UNC5D: variants seen among roughly 807,000 people sequenced by gnomAD.
The protein encoded by UNC5D is unc-5 netrin receptor D.
In UNC5D, 39 loss-of-function variants were observed where a neutral mutation model predicts 105.4. The observed-to-expected ratio is 0.37, with a 90% CI of 0.29 to 0.48. The LOEUF is 0.48. Ranked by LOEUF, UNC5D falls within the 20% of genes least tolerant of loss-of-function variation. UNC5D has a pLI of 0.98. For missense variants in UNC5D, 991 were observed against 1,202.4 expected, an observed-to-expected ratio of 0.82 and a Z score of 2.60; for synonymous variants, 452 against 450.4, an observed-to-expected ratio of 1.00 and a Z score of -0.04.
At chr8:35,365,357 G>A (rs951371171) in intron 1 of UNC5D, among the ~76,000 whole-genome samples, 8 of 151,856 alleles carry the variant, frequency 5.3e-5, no homozygotes, top group African/African-American at 1.9e-4. Flanking sequence ...TTCTCACAAT[G>A]GAGGGCTATG....
intron 7 of UNC5D, among the ~76,000 whole-genome samples, chr8:35,691,155 C>T (rs1826362486): frequency 6.6e-6 from 1 of 152,106 alleles, no homozygotes; most frequent in South Asian, 2.1e-4. Context: ...TAATGTTACA[C>T]TGTCACAGAT....
intron 1 of UNC5D, among the ~76,000 whole-genome samples, chr8:35,280,130 G>A (rs1367168289): frequency 6.6e-6 from 1 of 151,968 alleles, no homozygotes; most frequent in Non-Finnish European, 1.5e-5. Flanking sequence ...CAAATAGCTG[G>A]GATTACAGGT....
intron 1 of UNC5D, among the ~76,000 whole-genome samples, chr8:35,345,472 A>G (rs1811741122): frequency 6.6e-6 from 1 of 152,010 alleles, no homozygotes; most frequent in African/African-American, 2.4e-5. Flanking sequence ...CTCTGCTTCA[A>G]ATACATTTGA....
At chr8:35,773,294 T>C (rs16884429) in intron 15 of UNC5D, among the ~76,000 whole-genome samples, 4,239 of 152,308 alleles carry the variant, frequency 0.028, 193 homozygotes, top group African/African-American at 0.096. Context: ...TGGACAGCTT[T>C]AAACCAGAAG....
intron 1 of UNC5D, among the ~76,000 whole-genome samples, chr8:35,412,366 G>A (rs990302533): frequency 6.6e-6 from 1 of 151,924 alleles, no homozygotes; most frequent in Non-Finnish European, 1.5e-5. Context: ...ATTGCATTGA[G>A]CAGAAACAAA....
At chr8:35,480,202 C>G (rs1585939164) in intron 1 of UNC5D, among the ~76,000 whole-genome samples, 1 of 152,158 alleles carries the variant, frequency 6.6e-6, no homozygotes, top group African/African-American at 2.4e-5. Context: ...TTACTCTTAA[C>G]AGTATATGGT....
At chr8:35,569,528 G>A (rs1270728925) in intron 3 of UNC5D, among the ~76,000 whole-genome samples, 1 of 152,174 alleles carries the variant, frequency 6.6e-6, no homozygotes, top group African/African-American at 2.4e-5. Flanking sequence ...TGGCAATTTG[G>A]GGAGGCCCTC....
At position 35,350,434 on chromosome 8, in the gene UNC5D, G is replaced by T. The variant is rs1309030337; in HGVS notation, c.103+114547G>T. Among the ~76,000 whole-genome samples, 3 of 152,114 alleles carry T rather than the reference G, an allele frequency of 2.0e-5. No individual in the cohort carries two copies. In the South Asian group the frequency reaches 6.2e-4, roughly 32 times the overall value. On this transcript the variant is annotated intron_variant, in intron 1 of 16. Transcript: ENST00000404895. Reference sequence around the variant, plus strand: ...ATGTTGATGTCTTAAGTAAATAAAAGTGCCTAGCATGTAGTAGGCATACAA... The same window carrying T: ...ATGTTGATGTCTTAAGTAAATAAAATTGCCTAGCATGTAGTAGGCATACAA...
intron 11 of UNC5D, among the ~76,000 whole-genome samples, chr8:35,733,233 A>T (rs1033089027): frequency 6.6e-6 from 1 of 152,186 alleles, no homozygotes; most frequent in Admixed American, 6.5e-5. Flanking sequence ...TTGATAGCTC[A>T]CGACTACTTA....
At chr8:35,750,836 T>G in intron 13 of UNC5D, 27 bp downstream of exon 13, 2 of 1,611,918 alleles carry the variant, frequency 1.2e-6, no homozygotes, top group Non-Finnish European at 1.7e-6. Flanking sequence ...ATAATTTTCT[T>G]TTGGTGTCAT....
At chr8:35,364,639 T>C (rs2128920500) in intron 1 of UNC5D, among the ~76,000 whole-genome samples, 1 of 152,286 alleles carries the variant, frequency 6.6e-6, no homozygotes, top group Non-Finnish European at 1.5e-5. Flanking sequence ...AAAATGTATG[T>C]ACATACACAT....
intron 1 of UNC5D, among the ~76,000 whole-genome samples, chr8:35,470,051 T>C (rs972485449): frequency 3.9e-5 from 6 of 152,174 alleles, no homozygotes; most frequent in African/African-American, 1.4e-4. Context: ...ACTTTTTAAT[T>C]TTGATTTTGA....
intron 1 of UNC5D, among the ~76,000 whole-genome samples, chr8:35,524,640 C>CAA (rs113548648): frequency 5.7e-3 from 407 of 71,032 alleles, no homozygotes; most frequent in African/African-American, 0.015. Flanking sequence ...ATGCCCTGTG[C>CAA]AAAAAAAAAA....
At chr8:35,739,492 G>A (rs1829651801) in intron 11 of UNC5D, among the ~76,000 whole-genome samples, 1 of 152,180 alleles carries the variant, frequency 6.6e-6, no homozygotes, top group African/African-American at 2.4e-5. Context: ...CTTAATGATT[G>A]AGTGCATTTG....
At chr8:35,401,328 A>G (rs1319609013) in intron 1 of UNC5D, among the ~76,000 whole-genome samples, 2 of 152,136 alleles carry the variant, frequency 1.3e-5, no homozygotes, top group African/African-American at 4.8e-5. Flanking sequence ...TACTAAAAAT[A>G]TAAAAATTAG....
chr8:35,482,181 T>C (rs1810524370), intron 1 of UNC5D, among the ~76,000 whole-genome samples: 1 of 152,186 alleles, frequency 6.6e-6, no homozygotes. Context: ...AATACCCACA[T>C]CATATTTCCT....
intron 1 of UNC5D, among the ~76,000 whole-genome samples, chr8:35,394,715 G>A (rs1370896023): frequency 1.3e-5 from 2 of 152,054 alleles, no homozygotes; most frequent in African/African-American, 4.8e-5. Context: ...GGGAGGAACC[G>A]AATTCCAGCT....
At chr8:35,323,254 C>T (rs1809891205) in intron 1 of UNC5D, among the ~76,000 whole-genome samples, 1 of 143,646 alleles carries the variant, frequency 7.0e-6, no homozygotes. Flanking sequence ...CATTGTGATA[C>T]CTGGGACCAT....
chr8:35,248,849 T>C (rs1261933495), intron 1 of UNC5D, among the ~76,000 whole-genome samples: 6 of 96,246 alleles, frequency 6.2e-5, no homozygotes, highest in South Asian at 6.5e-4. Context: ...ATATATTTTA[T>C]ATATAATTCT....
Sources: gnomAD v4.1 joint callset for allele counts (sites outside exome capture counted in the v4.1 genomes callset) on GRCh38, gnomAD v4.1.1 for gene constraint, MANE v1.5 for transcripts, NCBI Gene and HGNC (gene_info 2026-07-23, HGNC 2026-07-21) for gene names.